TMCC1: variants seen among roughly 807,000 people sequenced by gnomAD.
The protein encoded by TMCC1 is transmembrane and coiled-coil domains protein 1.
TMCC1 carries 15 observed loss-of-function variants against 52.4 expected under a neutral mutation model. The ratio of observed to expected loss-of-function variants is 0.29; its 90% CI spans 0.19 to 0.44. The LOEUF (loss-of-function observed/expected upper bound fraction) is 0.44, where lower values mean the gene tolerates loss of function less well. TMCC1 is among the 20% of genes least tolerant of loss of function. The pLI is 1.00. For missense variants in TMCC1, 503 were observed against 806.0 expected, an observed-to-expected ratio of 0.62 and a Z score of 4.55; for synonymous variants, 279 against 301.9, an observed-to-expected ratio of 0.92 and a Z score of 0.79.
intron 2 of TMCC1, among the ~76,000 whole-genome samples, chr3:129,840,713 C>A (rs528901612): frequency 6.6e-6 from 1 of 152,312 alleles, no homozygotes; most frequent in South Asian, 2.1e-4. Context: ...CCACCCCACT[C>A]CTGCTGCCAT....
At position 129,828,741 on chromosome 3, in the gene TMCC1, A is replaced by C. The variant is rs767995602; in HGVS notation, c.-130-233T>G. Among the ~76,000 whole-genome samples the C allele has an allele frequency of 6.6e-6, 1 of 152,332 alleles. No individual in the cohort carries two copies. The highest frequency in any genetic ancestry group is 1.5e-5 in the Non-Finnish European group (1 of 68,028). On this transcript the variant is annotated intron_variant, in intron 3 of 6. Transcript: ENST00000393238. The surrounding 1 kb of genome is among the most constrained non-coding windows in gnomAD (Gnocchi z 4.1). Reference sequence around the variant, plus strand: ...GAACAAGTCCATAGGAAATTAAAACAGCAATGTTCAAAAGCAAAAATCCCT... The same window carrying C: ...GAACAAGTCCATAGGAAATTAAAACCGCAATGTTCAAAAGCAAAAATCCCT...
At chr3:129,773,121 A>C (rs1376855925) in intron 4 of TMCC1, among the ~76,000 whole-genome samples, 1 of 152,218 alleles carries the variant, frequency 6.6e-6, no homozygotes, top group Non-Finnish European at 1.5e-5. Context: ...CAAATGTCCA[A>C]AAAGAGGGGT....
At chr3:129,766,999 T>A (rs573642713) in intron 4 of TMCC1, among the ~76,000 whole-genome samples, 1 of 150,994 alleles carries the variant, frequency 6.6e-6, no homozygotes, top group Non-Finnish European at 1.5e-5. Flanking sequence ...CAGTGGCTTA[T>A]ACCTGTAATC....
In TMCC1 at chr3:129,683,394, C is replaced by T. The variant is rs577301013; in HGVS notation, c.577-12130G>A. 8.5e-4 allele frequency among the ~76,000 whole-genome samples: 130 copies of T among 152,282 alleles called. 1 individual carries two copies. Among genetic ancestry groups the T allele is most frequent in the Non-Finnish European group, 1.4e-3 (95 of 68,018 alleles). ...TATCTTATTAATCCAGTGAGGCAGG[C>T]ACTATTCTAATTTTCTACATGAAAA... On this transcript the variant is annotated intron_variant, in intron 4 of 6. Transcript: ENST00000393238.
chr3:129,781,245 C>G (rs766545990), intron 4 of TMCC1, among the ~76,000 whole-genome samples: 1 of 152,188 alleles, frequency 6.6e-6, no homozygotes, highest in Non-Finnish European at 1.5e-5. Context: ...GACAAATACT[C>G]TGTTGGTCAA....
At chr3:129,875,244 T>G (rs1310337041) in intron 2 of TMCC1, among the ~76,000 whole-genome samples, 1 of 150,646 alleles carries the variant, frequency 6.6e-6, no homozygotes, top group Non-Finnish European at 1.5e-5. Context: ...ATCCCAGCAC[T>G]GTGGGAGGCT....
intron 1 of TMCC1, among the ~76,000 whole-genome samples, chr3:129,882,566 T>C (rs966549595): frequency 9.9e-5 from 15 of 152,220 alleles, no homozygotes; most frequent in African/African-American, 3.6e-4. Flanking sequence ...TGTACAGTCA[T>C]GTTCACAGCA....
chr3:129,868,612 T>C (rs2060768582), intron 2 of TMCC1, among the ~76,000 whole-genome samples: 1 of 152,212 alleles, frequency 6.6e-6, no homozygotes, highest in Admixed American at 6.5e-5. Context: ...CTAATTTTTG[T>C]ATTTTTAGTA....
chr3:129,832,247 C>G (rs1190950587), intron 3 of TMCC1, among the ~76,000 whole-genome samples: 1 of 152,102 alleles, frequency 6.6e-6, no homozygotes, highest in Non-Finnish European at 1.5e-5. Context: ...GAAATGCTGG[C>G]TACTCTTTTA....
intron 4 of TMCC1, among the ~76,000 whole-genome samples, chr3:129,798,238 C>T (rs771022737): frequency 1.7e-4 from 26 of 151,792 alleles, no homozygotes; most frequent in Non-Finnish European, 3.1e-4. Context: ...TCAGGTGATC[C>T]GCCCGCTCAG....
At chr3:129,882,224 G>A (rs1298488711) in intron 1 of TMCC1, among the ~76,000 whole-genome samples, 1 of 151,972 alleles carries the variant, frequency 6.6e-6, no homozygotes, top group Admixed American at 6.6e-5. Context: ...TTCTACGAAG[G>A]AGATACATGA....
At chr3:129,765,467 T>G (rs1301972911) in intron 4 of TMCC1, among the ~76,000 whole-genome samples, 1 of 152,118 alleles carries the variant, frequency 6.6e-6, no homozygotes, top group Non-Finnish European at 1.5e-5. Context: ...AGCTTTATAG[T>G]CTTTACCATA....
At chr3:129,776,078 C>T (rs1385767589) in intron 4 of TMCC1, among the ~76,000 whole-genome samples, 1 of 152,226 alleles carries the variant, frequency 6.6e-6, no homozygotes, top group Non-Finnish European at 1.5e-5. Flanking sequence ...TACTCCTCCT[C>T]TCTCCCAAGA....
intron 4 of TMCC1, among the ~76,000 whole-genome samples, chr3:129,725,107 A>T (rs2049968731): frequency 6.6e-6 from 1 of 152,194 alleles, no homozygotes; most frequent in Non-Finnish European, 1.5e-5. Flanking sequence ...AGATAATCAT[A>T]CAATTTCATT....
intron 4 of TMCC1, among the ~76,000 whole-genome samples, chr3:129,743,313 T>C (rs940610474): frequency 1.2e-4 from 18 of 152,170 alleles, no homozygotes; most frequent in African/African-American, 4.3e-4. Flanking sequence ...ACCAAGTCTC[T>C]GAGGATGATT....
chr3:129,657,866 C>T (rs550392774), intron 5 of TMCC1, among the ~76,000 whole-genome samples: 157 of 152,310 alleles, frequency 1.0e-3, no homozygotes, highest in African/African-American at 3.6e-3. Flanking sequence ...AAAAAGTTAA[C>T]AGTTACCTTA....
At chr3:129,774,399 A>G (rs549863118) in intron 4 of TMCC1, among the ~76,000 whole-genome samples, 1 of 152,366 alleles carries the variant, frequency 6.6e-6, no homozygotes, top group South Asian at 2.1e-4. Context: ...CTATTAATAT[A>G]CTACCTTTCT....
In TMCC1 at chr3:129,888,453, T is replaced by C. The variant is rs370290341; in HGVS notation, c.-435+5041A>G. ...CCCAGATCTTGGTTTGTAACACCATTCTTCAATAAAAGGTACCAGGGCTCC... is the reference window on the plus strand; with the variant it reads ...CCCAGATCTTGGTTTGTAACACCATCCTTCAATAAAAGGTACCAGGGCTCC... On this transcript the variant is annotated intron_variant, in intron 1 of 6. Coordinates refer to ENST00000393238, the MANE Select transcript of TMCC1 (RefSeq NM_001017395.5). 4.6e-5 allele frequency among the ~76,000 whole-genome samples: 7 copies of C among 152,288 alleles called. No individual in the cohort carries two copies. The East Asian group carries it at 1.3e-3, about 29-fold the overall frequency.
At chr3:129,777,416 T>C (rs767975882) in intron 4 of TMCC1, among the ~76,000 whole-genome samples, 3 of 152,188 alleles carry the variant, frequency 2.0e-5, no homozygotes, top group Non-Finnish European at 2.9e-5. Context: ...AATGGGATTG[T>C]TTATGGGGAA....
Sources: allele counts gnomAD v4.1 joint callset (sites outside exome capture counted in the v4.1 genomes callset), GRCh38; gene constraint gnomAD v4.1.1; non-coding constraint Gnocchi (gnomAD v3.1); transcripts MANE v1.5; gene names NCBI Gene and HGNC (gene_info 2026-07-23, HGNC 2026-07-21).